Variants in PCOLCE2 observed in about 807,000 individuals in gnomAD.
The protein encoded by PCOLCE2 is procollagen C-proteinase enhancer 2.
A neutral mutation model predicts 47.0 loss-of-function variants in PCOLCE2; 42 were observed. That is an observed-to-expected ratio of 0.89 (90% CI 0.70 to 1.16). PCOLCE2 has a LOEUF of 1.16. PCOLCE2 is among the 50% of genes most tolerant of loss of function. PCOLCE2 has a pLI of 0.00. For missense variants in PCOLCE2, 500 were observed against 526.1 expected, an observed-to-expected ratio of 0.95 and a Z score of 0.49; for synonymous variants, 169 against 191.7, an observed-to-expected ratio of 0.88 and a Z score of 0.98.
Position 142,842,629 on chromosome 3 carries a change from C to T in PCOLCE2, c.573+295G>A, listed in dbSNP as rs1937276523. ...TGGCGCGTGCCTGTAATCTCAGCTACTCGTGAGGCTGAGGCAGGAGAATCG... is the reference window on the plus strand; with the variant it reads ...TGGCGCGTGCCTGTAATCTCAGCTATTCGTGAGGCTGAGGCAGGAGAATCG... On this transcript the variant is annotated intron_variant, in intron 4 of 8. Coordinates refer to ENST00000295992, the MANE Select transcript of PCOLCE2 (RefSeq NM_013363.4). This position sits in a 1 kb window ranked among gnomAD's most constrained non-coding sequence, Gnocchi z 4.1. Among the ~76,000 whole-genome samples the T allele has an allele frequency of 1.3e-5, 2 of 151,894 alleles. No individual in the cohort carries two copies. Among genetic ancestry groups the T allele is most frequent in the Admixed American group, 6.6e-5 (1 of 15,242 alleles).
chr3:142,833,187 CTTTT>C (rs1937169604), intron 5 of PCOLCE2, among the ~76,000 whole-genome samples: 2 of 149,952 alleles, frequency 1.3e-5, no homozygotes, highest in African/African-American at 4.9e-5. Flanking sequence ...TTTTTTTTTT[CTTTT>C]TTGTTTTGTG....
In PCOLCE2 at chr3:142,853,456, T is replaced by C. The variant is rs9845606; in HGVS notation, c.193-4984A>G. Among the ~76,000 whole-genome samples the C allele has an allele frequency of 6.8e-3, 1,038 of 152,320 alleles. 10 individuals carry two copies. The highest frequency in any genetic ancestry group is 0.023 in the African/African-American group (971 of 41,560). On this transcript the variant is annotated intron_variant, in intron 2 of 8. Coordinates refer to ENST00000295992, the MANE Select transcript of PCOLCE2 (RefSeq NM_013363.4). ...ACCTCGAGGGGGCAAGGATCCTTCC[T>C]GCCTTGTTCACTGTTGCATCCCCAG... is the stretch of plus-strand genomic sequence containing the variant.
intron 3 of PCOLCE2, among the ~76,000 whole-genome samples, chr3:142,846,284 T>A (rs1405818676): frequency 1.3e-5 from 2 of 152,148 alleles, no homozygotes; most frequent in African/African-American, 2.4e-5. Flanking sequence ...CTGCAACCTC[T>A]GCCTGCAGGT....
In PCOLCE2 at chr3:142,820,990, T is replaced by C; in HGVS notation, c.1005A>G (p.Thr335=). The change falls in exon 8 of 9, where the codon ACA becomes ACG. Residue 335 remains threonine, a synonymous_variant. Coordinates refer to ENST00000295992, the MANE Select transcript of PCOLCE2 (RefSeq NM_013363.4). ...CTTTGTAGATGTTGATGATCGAGACTGTGGCGTGCAAACTCCCATCGCGAG... is the reference window on the plus strand; with the variant it reads ...CTTTGTAGATGTTGATGATCGAGACCGTGGCGTGCAAACTCCCATCGCGAG... ...TITRDGSLHA[T]VSIINIYKEG... is the part of the protein sequence containing the mutation. 6.2e-7 allele frequency: 1 copy of C among 1,613,984 alleles called. No homozygotes were observed.
At chr3:142,860,233 T>C (rs895673103) in intron 2 of PCOLCE2, among the ~76,000 whole-genome samples, 1 of 152,180 alleles carries the variant, frequency 6.6e-6, no homozygotes, top group Non-Finnish European at 1.5e-5. Flanking sequence ...ATTATATGCT[T>C]ATGCTGCTAC....
Position 142,831,573 on chromosome 3 carries a change from C to G in PCOLCE2, c.711-1727G>C, listed in dbSNP as rs534222689. Among the ~76,000 whole-genome samples, 137 of 152,284 alleles carry G rather than the reference C, an allele frequency of 9.0e-4. 1 individual carries two copies. The highest frequency in any genetic ancestry group is 3.2e-3 in the African/African-American group (134 of 41,572). On this transcript the variant is annotated intron_variant, in intron 5 of 8. Transcript: ENST00000295992. ...TTATTTAAATAATGCTTCTGAGATT[C>G]GAGCCTTTCACGAAAATATTCTATC... is the stretch of plus-strand genomic sequence containing the variant.
At chr3:142,878,821 T>A (rs573405984) in intron 2 of PCOLCE2, among the ~76,000 whole-genome samples, 1 of 151,782 alleles carries the variant, frequency 6.6e-6, no homozygotes, top group African/African-American at 2.4e-5. Flanking sequence ...GCCACTGCAC[T>A]CCAGACTGGG....
chr3:142,844,142 C>T (rs919174613), intron 3 of PCOLCE2, among the ~76,000 whole-genome samples: 3 of 152,104 alleles, frequency 2.0e-5, no homozygotes, highest in African/African-American at 4.8e-5. Context: ...CTGTACAAAT[C>T]TGAAAAATGG....
intron 2 of PCOLCE2, among the ~76,000 whole-genome samples, chr3:142,881,773 T>A (rs529470796): frequency 1.3e-5 from 2 of 152,318 alleles, no homozygotes; most frequent in East Asian, 3.9e-4. Context: ...TTACGGGATA[T>A]GTGACTGTAT....
intron 2 of PCOLCE2, among the ~76,000 whole-genome samples, chr3:142,878,008 C>A (rs944698086): frequency 6.6e-6 from 1 of 152,192 alleles, no homozygotes; most frequent in African/African-American, 2.4e-5. Context: ...AGCAATCAAA[C>A]CCTTATCATT....
intron 6 of PCOLCE2, among the ~76,000 whole-genome samples, chr3:142,826,687 G>A (rs761057647): frequency 1.3e-5 from 2 of 152,122 alleles, no homozygotes; most frequent in Non-Finnish European, 2.9e-5. Context: ...CACTGTCCGG[G>A]TTCTGCTGGC....
chr3:142,886,052 G>A (rs1463534630), intron 2 of PCOLCE2, among the ~76,000 whole-genome samples: 1 of 152,194 alleles, frequency 6.6e-6, no homozygotes, highest in Non-Finnish European at 1.5e-5. Flanking sequence ...CACAGTTTAT[G>A]GCGGTGAAAC....
intron 2 of PCOLCE2, among the ~76,000 whole-genome samples, chr3:142,869,331 A>G (rs1339045999): frequency 6.6e-6 from 1 of 152,074 alleles, no homozygotes; most frequent in East Asian, 1.9e-4. Flanking sequence ...TAAGACTGAC[A>G]AAACAGACTC....
In PCOLCE2 at chr3:142,842,681, G is replaced by A. The variant is rs1416573871; in HGVS notation, c.573+243C>T. Among the ~76,000 whole-genome samples, 1 of 151,870 alleles carries A rather than the reference G, an allele frequency of 6.6e-6. No homozygotes were observed. The highest frequency in any genetic ancestry group is 2.4e-5 in the African/African-American group (1 of 41,310). On this transcript the variant is annotated intron_variant, in intron 4 of 8. Coordinates refer to ENST00000295992, the MANE Select transcript of PCOLCE2 (RefSeq NM_013363.4). This position sits in a 1 kb window ranked among gnomAD's most constrained non-coding sequence, Gnocchi z 4.1. ...TTGAACCCAGGAGGTGGAGGTTGCG[G>A]TGAGCTGAGATCGCACCATTGCACT...
intron 2 of PCOLCE2, among the ~76,000 whole-genome samples, chr3:142,875,810 C>T (rs529626279): frequency 1.4e-3 from 216 of 152,248 alleles, no homozygotes; most frequent in African/African-American, 4.8e-3. Flanking sequence ...CCCTCCTCCC[C>T]GCTTCACATC....
chr3:142,868,620 C>T (rs949692350), intron 2 of PCOLCE2, among the ~76,000 whole-genome samples: 2 of 152,150 alleles, frequency 1.3e-5, no homozygotes, highest in Non-Finnish European at 2.9e-5. Flanking sequence ...CATTCTCCAC[C>T]TTGCATAACC....
chr3:142,823,944 A>T (rs890079284), intron 6 of PCOLCE2, among the ~76,000 whole-genome samples: 1 of 152,204 alleles, frequency 6.6e-6, no homozygotes, highest in Non-Finnish European at 1.5e-5. Context: ...TGTTTAGAAA[A>T]ACCCAGAACA....
chr3:142,858,961 A>G (rs557834643), intron 2 of PCOLCE2, among the ~76,000 whole-genome samples: 5 of 152,162 alleles, frequency 3.3e-5, no homozygotes, highest in Admixed American at 6.5e-5. Context: ...CCACTAGTAC[A>G]TATTGTCTGG....
intron 2 of PCOLCE2, among the ~76,000 whole-genome samples, chr3:142,857,050 CTATAGTAAG>C (rs200557557): frequency 0.013 from 1,917 of 152,272 alleles, 45 homozygotes; most frequent in African/African-American, 0.044. Context: ...TCTATATACT[CTATAGTAAG>C]TAAGAGTCTC....
Sources: gnomAD v4.1 joint callset for allele counts (sites outside exome capture counted in the v4.1 genomes callset) on GRCh38, gnomAD v4.1.1 for gene constraint, Gnocchi (gnomAD v3.1) non-coding constraint, MANE v1.5 for transcripts, NCBI Gene and HGNC (gene_info 2026-07-23, HGNC 2026-07-21) for gene names.